ZDHHC15: variants seen among roughly 807,000 people sequenced by gnomAD.
The protein encoded by ZDHHC15 is zDHHC palmitoyltransferase 15, also known as palmitoyltransferase ZDHHC15.
In ZDHHC15, 19 loss-of-function variants were observed where a neutral mutation model predicts 31.7. The ratio of observed to expected loss-of-function variants is 0.60; its 90% CI spans 0.42 to 0.88. The LOEUF (loss-of-function observed/expected upper bound fraction) is 0.88, where lower values mean the gene tolerates loss of function less well. ZDHHC15 is among the 40% of genes least tolerant of loss of function. The pLI is 0.00. For synonymous variants in ZDHHC15, 103 were observed against 90.0 expected, an observed-to-expected ratio of 1.14 and a Z score of -0.82; for missense variants, 209 against 251.2, an observed-to-expected ratio of 0.83 and a Z score of 1.14.
intron 1 of ZDHHC15, among the ~76,000 whole-genome samples, chrX:75,507,539 T>C (rs2085187181): frequency 8.9e-6 from 1 of 111,768 alleles, no homozygotes; most frequent in South Asian, 3.7e-4. Flanking sequence ...AAAATGAAAA[T>C]GTTACAAGAG....
intron 5 of ZDHHC15, among the ~76,000 whole-genome samples, chrX:75,430,205 T>C (rs981618278): frequency 8.9e-6 from 1 of 111,877 alleles, no homozygotes; most frequent in Non-Finnish European, 1.9e-5. Context: ...TACATGCTTA[T>C]AAGTCCAACC....
intron 2 of ZDHHC15, chrX:75,502,323 T>G (rs1372203711): frequency 9.0e-6 from 1 of 111,482 alleles, no homozygotes; most frequent in African/African-American, 3.3e-5. Flanking sequence ...CATTTTAACT[T>G]AACTACCTCT....
chrX:75,493,267 G>T (rs1053549914), intron 2 of ZDHHC15, among the ~76,000 whole-genome samples: 1 of 111,642 alleles, frequency 9.0e-6, no homozygotes, highest in Admixed American at 9.5e-5. Context: ...CCAATAAGAG[G>T]CTCTGAAATT....
chrX:75,403,753 C>A (rs1402304731), intron 10 of ZDHHC15, among the ~76,000 whole-genome samples: 12 of 112,090 alleles, frequency 1.1e-4, no homozygotes, highest in African/African-American at 3.6e-4. Context: ...GGAAAAATAT[C>A]CCATGCTGAT....
intron 2 of ZDHHC15, chrX:75,501,521 G>A (rs958036082): frequency 9.0e-6 from 1 of 111,390 alleles, no homozygotes; most frequent in Non-Finnish European, 1.9e-5. Flanking sequence ...AGGTCTTTGA[G>A]GAATCACCAC....
intron 4 of ZDHHC15, among the ~76,000 whole-genome samples, chrX:75,449,445 A>T (rs1024637031): frequency 7.2e-5 from 8 of 111,604 alleles, no homozygotes; most frequent in Non-Finnish European, 7.5e-5. Flanking sequence ...CATTACCCAG[A>T]TTCAACAATT....
chrX:75,517,114 T>C (rs2085369997), intron 1 of ZDHHC15, among the ~76,000 whole-genome samples: 1 of 111,636 alleles, frequency 9.0e-6, no homozygotes, highest in South Asian at 3.8e-4. Context: ...TGTGGAGAAA[T>C]AGGAACACTT....
chrX:75,379,313 A>G, intron 10 of ZDHHC15, 115 bp from the exon 11 acceptor site: 3 of 734,711 alleles, frequency 4.1e-6, no homozygotes, highest in Non-Finnish European at 6.3e-6. Context: ...GATACCTGCA[A>G]ACCTCTAAAG....
chrX:75,500,095 A>C (rs932135324), intron 2 of ZDHHC15, among the ~76,000 whole-genome samples: 1 of 110,720 alleles, frequency 9.0e-6, no homozygotes, highest in African/African-American at 3.3e-5. Context: ...ATGCAAATGC[A>C]TAAGAATGGA....
At chrX:75,468,041 ATTT>A (rs142205044) in intron 3 of ZDHHC15, among the ~76,000 whole-genome samples, 1,483 of 83,772 alleles carry the variant, frequency 0.018, 26 homozygotes, top group African/African-American at 0.049. Context: ...AACTGGCATA[ATTT>A]TTTTTTTTTT....
chrX:75,434,151 G>A (rs904902723), intron 4 of ZDHHC15, among the ~76,000 whole-genome samples: 4 of 111,592 alleles, frequency 3.6e-5, no homozygotes, highest in East Asian at 2.8e-4. Flanking sequence ...TTTGAGAATT[G>A]TTTATTCAGG....
At chrX:75,468,408 G>T (rs757037517) in intron 3 of ZDHHC15, among the ~76,000 whole-genome samples, 2 of 111,552 alleles carry the variant, frequency 1.8e-5, no homozygotes, top group African/African-American at 3.3e-5. Flanking sequence ...TCCTTTTCAT[G>T]GCTGAATAAA....
chrX:75,411,994 A>G (rs2083490167), intron 10 of ZDHHC15, among the ~76,000 whole-genome samples: 1 of 112,130 alleles, frequency 8.9e-6, no homozygotes, highest in South Asian at 3.7e-4. Context: ...AAAAGAAGAC[A>G]TTCAAATGGC....
chrX:75,486,470 G>T (rs1488138578), intron 2 of ZDHHC15, among the ~76,000 whole-genome samples: 2 of 112,447 alleles, frequency 1.8e-5, no homozygotes, highest in African/African-American at 3.2e-5. Flanking sequence ...GTAGGGGGAA[G>T]TGATCAGAAA....
intron 2 of ZDHHC15, among the ~76,000 whole-genome samples, chrX:75,481,537 A>G (rs1474489227): frequency 8.9e-6 from 1 of 112,024 alleles, no homozygotes; most frequent in African/African-American, 3.2e-5. Flanking sequence ...ATAAATCGGT[A>G]GAAAATGAAG....
At chrX:75,487,289 C>T (rs917363372) in intron 2 of ZDHHC15, among the ~76,000 whole-genome samples, 1 of 112,432 alleles carries the variant, frequency 8.9e-6, no homozygotes, top group African/African-American at 3.2e-5. Flanking sequence ...CACTCCCCTG[C>T]CACCTCCAGT....
chrX:75,513,885 A>T (rs1389450893), intron 1 of ZDHHC15, among the ~76,000 whole-genome samples: 3 of 111,232 alleles, frequency 2.7e-5, no homozygotes, highest in Non-Finnish European at 3.8e-5. Flanking sequence ...TAACAAAAAA[A>T]AAACAATAAG....
At chrX:75,430,297 T>C (rs991084233) in intron 5 of ZDHHC15, among the ~76,000 whole-genome samples, 3 of 111,496 alleles carry the variant, frequency 2.7e-5, no homozygotes, top group Non-Finnish European at 5.6e-5. Context: ...CAATACTTAG[T>C]TTAATAAAAA....
intron 10 of ZDHHC15, among the ~76,000 whole-genome samples, chrX:75,385,150 G>T (rs1327255537): frequency 9.0e-6 from 1 of 111,499 alleles, no homozygotes; most frequent in African/African-American, 3.3e-5. Flanking sequence ...CTGACTGGGA[G>T]GTGATTGCAC....
Sources: allele counts gnomAD v4.1 joint callset (sites outside exome capture counted in the v4.1 genomes callset), GRCh38; gene constraint gnomAD v4.1.1; transcripts MANE v1.5; gene names NCBI Gene and HGNC (gene_info 2026-07-23, HGNC 2026-07-21).